Variants in BAZ2B observed in about 807,000 individuals in gnomAD.
The protein encoded by BAZ2B is bromodomain adjacent to zinc finger domain protein 2B.
Under a neutral mutation model 246.0 loss-of-function variants are expected in BAZ2B, and 91 were observed. The observed-to-expected ratio is 0.37, with a 90% CI of 0.31 to 0.44. BAZ2B has a LOEUF of 0.44. Ranked by LOEUF, BAZ2B falls within the 20% of genes least tolerant of loss-of-function variation. BAZ2B has a pLI of 1.00. For missense variants in BAZ2B, 2,332 were observed against 2,533.7 expected, an observed-to-expected ratio of 0.92 and a Z score of 1.71; for synonymous variants, 855 against 860.0, an observed-to-expected ratio of 0.99 and a Z score of 0.10.
At chr2:159,689,171 T>C in the BAZ2B span, 1 of 419,740 alleles carries the variant, frequency 2.4e-6, no homozygotes, top group African/African-American at 2.2e-5. Context: ...CGTATTTTTC[T>C]CACAAATAGG....
chr2:159,702,618 T>C, the BAZ2B span, among the ~76,000 whole-genome samples: 1 of 152,010 alleles, frequency 6.6e-6, no homozygotes, highest in Non-Finnish European at 1.5e-5. Flanking sequence ...TGAAGCCTAA[T>C]GCAAAACAGT....
At chr2:159,419,741 C>T (rs1477735371) in intron 13 of BAZ2B, 1 of 152,182 alleles carries the variant, frequency 6.6e-6, no homozygotes, top group Non-Finnish European at 1.5e-5. Context: ...ACACAGTTGT[C>T]CTCCTAGTAT....
At chr2:159,621,362 A>C (rs1696424264), upstream of BAZ2B, among the ~76,000 whole-genome samples, 1 of 152,188 alleles carries the variant, frequency 6.6e-6, no homozygotes, top group Non-Finnish European at 1.5e-5. Flanking sequence ...TCAACTCTAA[A>C]GACGCTTCTG....
intron 1 of BAZ2B, among the ~76,000 whole-genome samples, chr2:159,613,179 ATCCT>A (rs1490113038): frequency 6.6e-6 from 1 of 152,138 alleles, no homozygotes; most frequent in East Asian, 1.9e-4. Flanking sequence ...ACTAAAATAT[ATCCT>A]TCCTTCATTT....
chr2:159,431,771 C>G (rs12477100), intron 9 of BAZ2B, among the ~76,000 whole-genome samples: 50,333 of 151,972 alleles, frequency 0.33, 9,909 homozygotes, highest in Non-Finnish European at 0.47. Context: ...TGCATCCATT[C>G]CTCTACATAT....
chr2:159,648,564 A>G, the BAZ2B span, among the ~76,000 whole-genome samples: 1 of 152,338 alleles, frequency 6.6e-6, no homozygotes, highest in East Asian at 1.9e-4. Flanking sequence ...TCATATAAAT[A>G]AGATCATATA....
intron 3 of BAZ2B, among the ~76,000 whole-genome samples, chr2:159,474,347 A>G (rs1014435708): frequency 2.0e-5 from 3 of 152,088 alleles, no homozygotes; most frequent in African/African-American, 7.2e-5. Context: ...TTGTTGGTTT[A>G]AAGTCTGTTT....
chr2:159,368,204 A>C (rs2060436415), intron 27 of BAZ2B, among the ~76,000 whole-genome samples: 1 of 152,148 alleles, frequency 6.6e-6, no homozygotes, highest in Non-Finnish European at 1.5e-5. Context: ...ACAGGTGCAC[A>C]CCACAGTCAG....
chr2:159,669,904 T>C, the BAZ2B span, among the ~76,000 whole-genome samples: 1 of 152,196 alleles, frequency 6.6e-6, no homozygotes, highest in Non-Finnish European at 1.5e-5. Context: ...CTGAATTTCA[T>C]TTAATAATTT....
intron 3 of BAZ2B, among the ~76,000 whole-genome samples, chr2:159,474,550 A>G (rs1478752746): frequency 6.6e-6 from 1 of 152,112 alleles, no homozygotes; most frequent in Non-Finnish European, 1.5e-5. Flanking sequence ...CATTTAGCCC[A>G]TTTACATTTA....
intron 2 of BAZ2B, chr2:159,516,362 T>C (rs1453223540): frequency 6.6e-6 from 1 of 152,186 alleles, no homozygotes; most frequent in African/African-American, 2.4e-5. Context: ...CAAGCCGTGA[T>C]ATTTTTCAGT....
chr2:159,691,161 G>C, the BAZ2B span, among the ~76,000 whole-genome samples: 2 of 152,130 alleles, frequency 1.3e-5, no homozygotes, highest in Non-Finnish European at 2.9e-5. Context: ...AGCATCTACG[G>C]AGATAATTAT....
chr2:159,430,774 T>A (rs1167193972), intron 10 of BAZ2B, 89 bp downstream of exon 10: 13 of 1,513,610 alleles, frequency 8.6e-6, no homozygotes, highest in Non-Finnish European at 1.1e-5. Context: ...TTGATTCCAG[T>A]GAGATCATCT....
At chr2:159,536,710 C>T (rs1236821799) in intron 2 of BAZ2B, among the ~76,000 whole-genome samples, 1 of 152,076 alleles carries the variant, frequency 6.6e-6, no homozygotes, top group Admixed American at 6.6e-5. Context: ...TTTTACATGG[C>T]ACATCAAGAT....
intron 3 of BAZ2B, among the ~76,000 whole-genome samples, chr2:159,475,837 C>T (rs1317006223): frequency 2.6e-5 from 4 of 152,292 alleles, no homozygotes; most frequent in African/African-American, 9.6e-5. Context: ...GAGGTCCACT[C>T]AAGACCCTGT....
intron 3 of BAZ2B, chr2:159,463,168 T>C: frequency 1.6e-6 from 1 of 606,978 alleles, no homozygotes; most frequent in Non-Finnish European, 3.1e-6. Context: ...GAATACTTCA[T>C]TAAATTCTCC....
At chr2:159,361,594 C>A (rs1247319334) in intron 27 of BAZ2B, among the ~76,000 whole-genome samples, 1 of 152,308 alleles carries the variant, frequency 6.6e-6, no homozygotes, top group Admixed American at 6.5e-5. Flanking sequence ...AGCAATCAAT[C>A]CCATTACTGG....
rs573755151 is a variant in BAZ2B at position 159,358,111 on chromosome 2, C to T, written c.4214-7754G>A. On this transcript the variant is annotated intron_variant, in intron 27 of 36. Transcript: ENST00000392783. ...ATGACAGGATCAAATTCACACATAA[C>T]AACATTAACCTTAAATGTAAACAGG... 3.9e-5 allele frequency among the ~76,000 whole-genome samples: 6 copies of T among 152,302 alleles called. No individual in the cohort carries two copies. In the East Asian group the frequency reaches 1.2e-3, roughly 29 times the overall value.
chr2:159,494,788 G>A (rs1559609437), intron 2 of BAZ2B, among the ~76,000 whole-genome samples: 1 of 152,194 alleles, frequency 6.6e-6, no homozygotes, highest in Non-Finnish European at 1.5e-5. Flanking sequence ...AACATCTGAT[G>A]TTCAACCTTT....
Sources: gnomAD v4.1 joint callset for allele counts (sites outside exome capture counted in the v4.1 genomes callset) on GRCh38, gnomAD v4.1.1 for gene constraint, MANE v1.5 for transcripts, NCBI Gene and HGNC (gene_info 2026-07-23, HGNC 2026-07-21) for gene names.